GALNTL6: variants seen among roughly 807,000 people sequenced by gnomAD.
GALNTL6 encodes the protein polypeptide N-acetylgalactosaminyltransferase like 6.
GALNTL6 carries 46 observed loss-of-function variants against 73.7 expected under a neutral mutation model. The observed-to-expected ratio is 0.62, with a 90% CI of 0.49 to 0.80. The LOEUF (loss-of-function observed/expected upper bound fraction) is 0.80, where lower values mean the gene tolerates loss of function less well. GALNTL6 is among the 30% of genes least tolerant of loss of function. The probability of loss-of-function intolerance (pLI) is 0.00; values close to 1 mark genes in which losing one functional copy is unlikely to be tolerated. For missense variants in GALNTL6, 604 were observed against 755.0 expected, an observed-to-expected ratio of 0.80 and a Z score of 2.34; for synonymous variants, 259 against 263.7, an observed-to-expected ratio of 0.98 and a Z score of 0.17.
At chr4:173,009,340 C>T (rs754679424) in intron 11 of GALNTL6, 46 bp downstream of exon 11, 1 of 1,067,964 alleles carries the variant, frequency 9.4e-7, no homozygotes, top group South Asian at 1.3e-5. Flanking sequence ...CAGTCGGGGG[C>T]TGATGCAGAC....
chr4:172,956,189 G>A (rs1749744084), intron 10 of GALNTL6, among the ~76,000 whole-genome samples: 1 of 152,178 alleles, frequency 6.6e-6, no homozygotes, highest in South Asian at 2.1e-4. Context: ...CTTCGAGCAG[G>A]ATTAGGAGTG....
At chr4:172,084,832 A>G (rs1344719523) in intron 2 of GALNTL6, among the ~76,000 whole-genome samples, 1 of 152,178 alleles carries the variant, frequency 6.6e-6, no homozygotes, top group African/African-American at 2.4e-5. Flanking sequence ...AAATATGAGC[A>G]TAAGAAGGAG....
intron 3 of GALNTL6, among the ~76,000 whole-genome samples, chr4:172,268,961 C>T (rs1738544929): frequency 1.3e-5 from 2 of 152,072 alleles, no homozygotes; most frequent in African/African-American, 4.8e-5. Context: ...TTTGTTATAG[C>T]AGCCCAAGTT....
At chr4:172,445,544 A>G (rs1189777103) in intron 5 of GALNTL6, among the ~76,000 whole-genome samples, 2 of 152,196 alleles carry the variant, frequency 1.3e-5, no homozygotes, top group East Asian at 3.9e-4. Context: ...CTTTGTAGAG[A>G]CAAAATTAAT....
At chr4:172,347,663 T>G (rs1741797443) in intron 4 of GALNTL6, among the ~76,000 whole-genome samples, 1 of 152,206 alleles carries the variant, frequency 6.6e-6, no homozygotes, top group South Asian at 2.1e-4. Context: ...ATTATATATA[T>G]TTTTTGACAT....
chr4:172,581,532 C>T (rs1392218809), intron 5 of GALNTL6, among the ~76,000 whole-genome samples: 1 of 152,212 alleles, frequency 6.6e-6, no homozygotes, highest in East Asian at 1.9e-4. Context: ...TCTACATTTA[C>T]CCAATCCCCC....
In GALNTL6 at chr4:172,229,690, A is replaced by G. The variant is rs754579779; in HGVS notation, c.173A>G (p.Tyr58Cys). ...CTGGGCCTGGGAGATGGGCAATTCTATTCATGGACAGATGGTTTGAGAAGA... is the reference window on the plus strand; with the variant it reads ...CTGGGCCTGGGAGATGGGCAATTCTGTTCATGGACAGATGGTTTGAGAAGA... ...FPLGLGDGQF[Y>C]SWTDGLRRKD... is the part of the protein sequence containing the mutation. Residue 58 changes from tyrosine (Y) to cysteine (C), a missense_variant, in exon 3 of 13, where the codon TAT (tyrosine) becomes TGT (cysteine). Physicochemically the swap from Tyr to Cys is radical, Grantham distance 194. Coordinates refer to ENST00000506823, the MANE Select transcript of GALNTL6 (RefSeq NM_001034845.3). 6 of 1,613,708 alleles carry G rather than the reference A, an allele frequency of 3.7e-6. No individual in the cohort carries two copies. The highest frequency in any genetic ancestry group is 4.2e-6 in the Non-Finnish European group (5 of 1,179,756).
intron 5 of GALNTL6, among the ~76,000 whole-genome samples, chr4:172,724,096 A>G (rs1221355977): frequency 6.6e-6 from 1 of 152,140 alleles, no homozygotes; most frequent in Non-Finnish European, 1.5e-5. Context: ...GAGCAGTGTG[A>G]TATCTTTCCA....
At chr4:171,963,891 T>C (rs1187306008) in intron 2 of GALNTL6, among the ~76,000 whole-genome samples, 2 of 152,192 alleles carry the variant, frequency 1.3e-5, no homozygotes, top group Non-Finnish European at 2.9e-5. Context: ...TTATGGACTA[T>C]TTTATTGAAG....
At chr4:172,775,333 T>C (rs1271796204) in intron 5 of GALNTL6, among the ~76,000 whole-genome samples, 1 of 152,168 alleles carries the variant, frequency 6.6e-6, no homozygotes, top group African/African-American at 2.4e-5. Context: ...ATTATTTGAG[T>C]TTCTATACCT....
At chr4:172,012,849 G>T (rs1198003507) in intron 2 of GALNTL6, among the ~76,000 whole-genome samples, 2 of 151,918 alleles carry the variant, frequency 1.3e-5, no homozygotes, top group East Asian at 1.9e-4. Context: ...TGTACAATGC[G>T]ATAGTTTTGA....
intron 2 of GALNTL6, among the ~76,000 whole-genome samples, chr4:171,983,559 A>C (rs1019100723): frequency 6.6e-6 from 1 of 151,764 alleles, no homozygotes; most frequent in Non-Finnish European, 1.5e-5. Flanking sequence ...TGGTGCCATC[A>C]CGGCTCATTA....
chr4:172,774,447 A>G (rs1738956126), intron 5 of GALNTL6, among the ~76,000 whole-genome samples: 2 of 152,226 alleles, frequency 1.3e-5, no homozygotes, highest in South Asian at 2.1e-4. Flanking sequence ...GCTTATTAAA[A>G]TCAACCCTAC....
At chr4:171,931,353 T>G (rs554610042) in intron 2 of GALNTL6, among the ~76,000 whole-genome samples, 1 of 152,250 alleles carries the variant, frequency 6.6e-6, no homozygotes, top group East Asian at 1.9e-4. Flanking sequence ...GGCCCAGCTT[T>G]CACTCATAAT....
At chr4:172,552,260 A>C (rs9995169) in intron 5 of GALNTL6, among the ~76,000 whole-genome samples, 1 of 152,028 alleles carries the variant, frequency 6.6e-6, no homozygotes, top group Non-Finnish European at 1.5e-5. Context: ...TTTTAATGAA[A>C]TGTAATTTCT....
At chr4:172,879,798 A>T (rs1248479937) in intron 7 of GALNTL6, among the ~76,000 whole-genome samples, 1 of 152,022 alleles carries the variant, frequency 6.6e-6, no homozygotes, top group African/African-American at 2.4e-5. Flanking sequence ...ATAAAACAGT[A>T]AAACAATAAA....
intron 2 of GALNTL6, among the ~76,000 whole-genome samples, chr4:172,086,297 G>C (rs76784649): frequency 0.013 from 1,948 of 152,102 alleles, 20 homozygotes; most frequent in Middle Eastern, 0.031. Context: ...TATTTAGCAT[G>C]TTAAGGGAAA....
At position 172,352,712 on chromosome 4, in the gene GALNTL6, C is replaced by T. The variant is rs141850122; in HGVS notation, c.553+4023C>T. Reference sequence around the variant, plus strand: ...GATAGTCGCAGGAGAGTTGCTGACACACTTTCCTTAATGCAAGTATGGAGG... The same window carrying T: ...GATAGTCGCAGGAGAGTTGCTGACATACTTTCCTTAATGCAAGTATGGAGG... On this transcript the variant is annotated intron_variant, in intron 5 of 12. Coordinates refer to ENST00000506823, the MANE Select transcript of GALNTL6 (RefSeq NM_001034845.3). Among the ~76,000 whole-genome samples the T allele has an allele frequency of 8.1e-4, 123 of 152,184 alleles. 1 individual carries two copies. The South Asian group carries it at 0.016, about 20-fold the overall frequency.
chr4:171,835,898 T>TA (rs769075596), intron 2 of GALNTL6, among the ~76,000 whole-genome samples: 11 of 152,032 alleles, frequency 7.2e-5, no homozygotes, highest in Middle Eastern at 3.4e-3. Context: ...TAAACAAAAA[T>TA]AAAAAAATAT....
Sources: allele counts gnomAD v4.1 joint callset (sites outside exome capture counted in the v4.1 genomes callset), GRCh38; gene constraint gnomAD v4.1.1; transcripts MANE v1.5; gene names NCBI Gene and HGNC (gene_info 2026-07-23, HGNC 2026-07-21).